RABGAP1L: variants seen among roughly 807,000 people sequenced by gnomAD.
RABGAP1L encodes rab GTPase-activating protein 1-like.
Under a neutral mutation model 137.7 loss-of-function variants are expected in RABGAP1L, and 63 were observed. The ratio of observed to expected loss-of-function variants is 0.46; its 90% CI spans 0.37 to 0.56. The LOEUF (loss-of-function observed/expected upper bound fraction) is 0.56. Ranked by LOEUF, RABGAP1L falls within the 20% of genes least tolerant of loss-of-function variation. RABGAP1L has a pLI of 0.00. For missense variants in RABGAP1L, 1,095 were observed against 1,244.0 expected (o/e 0.88, Z 1.80); for synonymous variants, 431 against 433.7 (o/e 0.99, Z 0.08).
intron 11 of RABGAP1L, among the ~76,000 whole-genome samples, chr1:174,318,839 T>A (rs1679671110): frequency 6.6e-6 from 1 of 151,976 alleles, no homozygotes; most frequent in Non-Finnish European, 1.5e-5. Flanking sequence ...CTTAACTAAC[T>A]GCATTAAAAA....
Position 174,551,017 on chromosome 1 carries a change from T to TAC in RABGAP1L, c.1711-86357_1711-86356insCA, listed in dbSNP as rs1476182703. ...ATATACACATATATATATATATATA[T>TAC]ATATACATACACACACACACATATA... is the stretch of plus-strand genomic sequence containing the variant. On this transcript the variant is annotated intron_variant, in intron 13 of 25. Transcript: ENST00000681986. 1.1e-3 allele frequency among the ~76,000 whole-genome samples: 129 copies of TAC among 114,044 alleles called. 1 individual carries two copies. The East Asian group carries it at 0.014, about 13-fold the overall frequency. The allele number at this position is 114,044 out of a possible 152,430, so 74.8% of individuals were successfully genotyped here.
intron 17 of RABGAP1L, among the ~76,000 whole-genome samples, chr1:174,749,074 G>T (rs1242807582): frequency 6.6e-6 from 1 of 151,734 alleles, no homozygotes; most frequent in Non-Finnish European, 1.5e-5. Flanking sequence ...TACATGGGAG[G>T]CTGAGGCACA....
chr1:174,747,947 A>C (rs1015696391), intron 17 of RABGAP1L, among the ~76,000 whole-genome samples: 1 of 151,530 alleles, frequency 6.6e-6, no homozygotes, highest in South Asian at 2.1e-4. Flanking sequence ...TCTATAAGCT[A>C]TCTATCCCTG....
At chr1:174,679,761 T>C (rs1320634265) in intron 14 of RABGAP1L, among the ~76,000 whole-genome samples, 1 of 152,246 alleles carries the variant, frequency 6.6e-6, no homozygotes, top group Non-Finnish European at 1.5e-5. Flanking sequence ...TCTCCAAATT[T>C]ACTTATAGAT....
At chr1:174,187,847 G>A (rs1227068646) in intron 1 of RABGAP1L, among the ~76,000 whole-genome samples, 1 of 151,980 alleles carries the variant, frequency 6.6e-6, no homozygotes, top group Non-Finnish European at 1.5e-5. Flanking sequence ...CCTACATAAC[G>A]TAATGATATT....
chr1:174,625,892 A>G (rs1356360341), intron 13 of RABGAP1L, among the ~76,000 whole-genome samples: 1 of 152,212 alleles, frequency 6.6e-6, no homozygotes, highest in Non-Finnish European at 1.5e-5. Flanking sequence ...TATTATTTTT[A>G]TACAGTGGAT....
In RABGAP1L at chr1:174,564,195, T is replaced by A. The variant is rs980444380; in HGVS notation, c.1711-73180T>A. 2.0e-5 allele frequency among the ~76,000 whole-genome samples: 3 copies of A among 152,352 alleles called. No homozygotes were observed. The East Asian group carries it at 5.8e-4, about 29-fold the overall frequency. On this transcript the variant is annotated intron_variant, in intron 13 of 25. Transcript: ENST00000681986. ...AATCTCATATCATATCTAACAGTTA[T>A]CGTTTCCTTATTTTTCTTTTTGGAA...
At chr1:174,711,152 A>T (rs1403646295) in intron 17 of RABGAP1L, among the ~76,000 whole-genome samples, 1 of 152,006 alleles carries the variant, frequency 6.6e-6, no homozygotes. Flanking sequence ...TGCCGAGCCC[A>T]CGCCCACCCG....
chr1:174,663,225 C>T (rs1676519767), intron 14 of RABGAP1L, among the ~76,000 whole-genome samples: 1 of 152,176 alleles, frequency 6.6e-6, no homozygotes, highest in African/African-American at 2.4e-5. Context: ...GTGCCCTATA[C>T]AGGTGTGCCA....
At chr1:174,312,237 T>C (rs768942512) in intron 11 of RABGAP1L, among the ~76,000 whole-genome samples, 2 of 152,192 alleles carry the variant, frequency 1.3e-5, no homozygotes, top group African/African-American at 4.8e-5. Flanking sequence ...CTTTTATCTC[T>C]ACATCACTAG....
intron 13 of RABGAP1L, among the ~76,000 whole-genome samples, chr1:174,632,950 T>C (rs889438970): frequency 3.9e-5 from 6 of 152,084 alleles, no homozygotes; most frequent in African/African-American, 1.4e-4. Context: ...CTGCGTTCCT[T>C]TGGAGGAGGA....
chr1:174,602,449 C>G (rs905699241), intron 13 of RABGAP1L, among the ~76,000 whole-genome samples: 23 of 152,106 alleles, frequency 1.5e-4, no homozygotes, highest in African/African-American at 5.3e-4. Context: ...AGAGGAAAGA[C>G]CACACCCCCA....
intron 19 of RABGAP1L, among the ~76,000 whole-genome samples, chr1:174,936,218 A>G (rs539533401): frequency 1.3e-5 from 2 of 152,092 alleles, no homozygotes; most frequent in African/African-American, 2.4e-5. Flanking sequence ...TAATCTCACA[A>G]CTTTGAAAGG....
At chr1:174,866,259 A>G (rs1651229725) in intron 19 of RABGAP1L, among the ~76,000 whole-genome samples, 1 of 152,156 alleles carries the variant, frequency 6.6e-6, no homozygotes, top group South Asian at 2.1e-4. Context: ...ATCTATAGAA[A>G]TATAAAAACA....
chr1:174,684,636 A>AAGGGC (rs1297519406), intron 15 of RABGAP1L, among the ~76,000 whole-genome samples: 1 of 152,154 alleles, frequency 6.6e-6, no homozygotes, highest in Non-Finnish European at 1.5e-5. Context: ...TACCTGTGTA[A>AAGGGC]AGGGCAGAAT....
intron 10 of RABGAP1L, among the ~76,000 whole-genome samples, chr1:174,291,605 C>A (rs541316736): frequency 5.9e-5 from 9 of 152,168 alleles, no homozygotes; most frequent in Admixed American, 2.6e-4. Context: ...TTATGGGAAG[C>A]CTTTTAAATC....
chr1:174,473,502 G>A (rs559270002), intron 13 of RABGAP1L, among the ~76,000 whole-genome samples: 2 of 152,292 alleles, frequency 1.3e-5, no homozygotes, highest in East Asian at 3.9e-4. Flanking sequence ...AGGATGCCCT[G>A]ACAGTGTTTT....
intron 1 of RABGAP1L, among the ~76,000 whole-genome samples, chr1:174,191,724 A>T (rs1667224201): frequency 6.6e-6 from 1 of 152,148 alleles, no homozygotes; most frequent in African/African-American, 2.4e-5. Flanking sequence ...CAGCTTGCTT[A>T]CTGCCCTGAT....
chr1:174,296,323 G>C (rs1451601964), intron 10 of RABGAP1L, among the ~76,000 whole-genome samples: 1 of 152,180 alleles, frequency 6.6e-6, no homozygotes, highest in East Asian at 1.9e-4. Context: ...TGCATCTGGA[G>C]ACAAAAGAGA....
Sources: gnomAD v4.1 joint callset for allele counts (sites outside exome capture counted in the v4.1 genomes callset) on GRCh38, gnomAD v4.1.1 for gene constraint, MANE v1.5 for transcripts, NCBI Gene and HGNC (gene_info 2026-07-23, HGNC 2026-07-21) for gene names.